TPR: variants seen among roughly 807,000 people sequenced by gnomAD.
The protein encoded by TPR is translocated promoter region, nuclear basket protein.
In TPR, 51 loss-of-function variants were observed where a neutral mutation model predicts 316.1. The observed-to-expected ratio is 0.16, with a 90% CI of 0.13 to 0.20. The LOEUF (loss-of-function observed/expected upper bound fraction) is 0.20, where lower values mean the gene tolerates loss of function less well. Among genes scored for constraint, TPR ranks in the 10% least tolerant of loss-of-function variants. The pLI, the probability that TPR is intolerant of heterozygous loss-of-function variation, is 1.00. For missense variants in TPR, 2,272 were observed against 2,754.8 expected (o/e 0.82, Z 3.92); for synonymous variants, 981 against 914.7 (o/e 1.07, Z -1.31).
In TPR at chr1:186,356,312, G is replaced by A; in HGVS notation, c.1862C>T (p.Thr621Ile). The A allele has an allele frequency of 6.2e-7, 1 of 1,608,570 alleles. No homozygotes were observed. Residue 621 changes from threonine (T) to isoleucine (I), a missense_variant, in exon 15 of 51, where the codon ACA becomes ATA. Transcript: ENST00000367478. ...ATGTAATGGAATGGCAACTCCTGTT[G>A]TTTGTGACAATAAAATACGGTACAT... The part of the protein sequence containing the change: ...RDMYRILLSQ[T>I]TGVAIPLHAS...
chr1:186,335,395 CCT>C lies in TPR; in HGVS notation c.4852_4853del (p.Arg1618GlyfsTer8). Reference protein sequence around the residue: ...GRISRLERELREHQERHLEQR... With the variant: ...GRISRLERELXEHQERHLEQR... ...GCTCAAGGTGTCTCTCTTGATGCTC[CCT>C]GAGTTCTCTTTCCAAGCGACTAATT... On this transcript the variant is annotated frameshift_variant, in exon 34 of 51. Coordinates refer to ENST00000367478, the MANE Select transcript of TPR (RefSeq NM_003292.3). LOFTEE classifies it high-confidence loss of function. 1 of 1,613,732 alleles carries C rather than the reference CCT, an allele frequency of 6.2e-7. No homozygotes were observed. Among genetic ancestry groups the C allele is most frequent in the Non-Finnish European group, 8.5e-7 (1 of 1,179,758 alleles).
chr1:186,359,851 C>A lies in TPR; in HGVS notation c.1337G>T (p.Arg446Leu), dbSNP rs200390468. ...ILKRQREEYERAQKAVASLSV... is the reference protein window; with the variant it reads ...ILKRQREEYELAQKAVASLSV... ...TAAACTTGCTACAGCTTTCTGTGCA[C>A]GTTCATATTCCTCACGCTGGCGTTT... Residue 446 changes from arginine (R) to leucine (L), a missense_variant, in exon 12 of 51, where the codon CGT (arginine) becomes CTT (leucine). Coordinates refer to ENST00000367478, the MANE Select transcript of TPR (RefSeq NM_003292.3). The A allele has an allele frequency of 4.4e-6, 7 of 1,599,166 alleles. No individual in the cohort carries two copies. The highest frequency in any genetic ancestry group is 2.2e-5 in the East Asian group (1 of 44,564).
intron 27 of TPR, chr1:186,342,767 T>C (rs1349414347): frequency 6.6e-6 from 1 of 152,170 alleles, no homozygotes; most frequent in Non-Finnish European, 1.5e-5. Context: ...CTTTGGGTGG[T>C]AGTGTGGGGT....
chr1:186,336,372 G>GCA, intron 33 of TPR, 124 bp downstream of exon 33: 1 of 829,542 alleles, frequency 1.2e-6, no homozygotes, highest in South Asian at 1.7e-5. Flanking sequence ...AATATTTAAA[G>GCA]CACACATACA....
In TPR at chr1:186,343,484, A is replaced by G. The variant is rs200976544; in HGVS notation, c.3603-11T>C. On this transcript the variant is annotated splice_polypyrimidine_tract_variant and intron_variant, in intron 26 of 50. Coordinates refer to ENST00000367478, the MANE Select transcript of TPR (RefSeq NM_003292.3). ...TCTCGTCGTATAAATCTACAAAAAT[A>G]CAGATATTAAAATTTTATGTGAATT... 848 of 1,600,304 alleles carry G rather than the reference A, an allele frequency of 5.3e-4. 1 individual carries two copies. Among genetic ancestry groups the G allele is most frequent in the Non-Finnish European group, 6.6e-4 (776 of 1,176,162 alleles).
At position 186,340,990 on chromosome 1, in the gene TPR, G is replaced by A. The variant is rs745740000; in HGVS notation, c.4020+38C>T. Reference sequence around the variant, plus strand: ...AAGTTTCCCCTATTATTAAAAACACGTGTTTCCATGTTTTGGAAGAGTTTT... The same window carrying A: ...AAGTTTCCCCTATTATTAAAAACACATGTTTCCATGTTTTGGAAGAGTTTT... On this transcript the variant is annotated intron_variant, in intron 29 of 50. Coordinates refer to ENST00000367478, the MANE Select transcript of TPR (RefSeq NM_003292.3). 31 of 1,589,328 alleles carry A rather than the reference G, an allele frequency of 2.0e-5. No homozygotes were observed. In the East Asian group the frequency reaches 3.6e-4, roughly 18 times the overall value.
At chr1:186,358,484 CAA>C in intron 13 of TPR, 57 bp downstream of exon 13, 2 of 1,339,098 alleles carry the variant, frequency 1.5e-6, no homozygotes, top group Non-Finnish European at 2.1e-6. Context: ...CAAACAGATT[CAA>C]AGATTACTGG....
At chr1:186,351,827 T>A in intron 19 of TPR, 149 bp downstream of exon 19, 1 of 845,636 alleles carries the variant, frequency 1.2e-6, no homozygotes, top group Admixed American at 3.5e-5. Flanking sequence ...TTAAAATATT[T>A]AAATGTCTTA....
Position 186,334,375 on chromosome 1 carries a change from G to C in TPR, c.5132C>G (p.Thr1711Ser). 3 of 1,613,548 alleles carry C rather than the reference G, an allele frequency of 1.9e-6. No individual in the cohort carries two copies. The highest frequency in any genetic ancestry group is 2.5e-6 in the Non-Finnish European group (3 of 1,179,688). ...VTPATVTNPTTTPTATVMPTT... is the reference protein window; with the variant it reads ...VTPATVTNPTSTPTATVMPTT... ...GGGCATCACTGTAGCTGTTGGGGTA[G>C]TAGTGGGATTTGTAACAGTTGCAGG... The change falls in exon 36 of 51, where the codon ACT becomes AGT. Residue 1711 changes from threonine to serine, a missense_variant. Physicochemically the swap from Thr to Ser is moderately conservative, Grantham distance 58. Coordinates refer to ENST00000367478, the MANE Select transcript of TPR (RefSeq NM_003292.3).
intron 20 of TPR, 117 bp from the exon 21 acceptor site, chr1:186,350,505 C>T (rs527580244): frequency 4.7e-5 from 35 of 746,380 alleles, no homozygotes; most frequent in African/African-American, 4.2e-4. Flanking sequence ...ACAGATTTAC[C>T]GTCACACCTG....
At position 186,311,956 on chromosome 1, in the gene TPR, ATAAC is replaced by A. The variant is rs1393655794; in HGVS notation, c.*2011_*2014del. ...GTCACTTTCAATTGAAATTAAATAT[ATAAC>A]TATGTAATTTGCTGCATCTATTCAT... On this transcript the variant is annotated 3_prime_UTR_variant, in exon 51 of 51. Coordinates refer to ENST00000367478, the MANE Select transcript of TPR (RefSeq NM_003292.3). 1 of 558,696 alleles carries A rather than the reference ATAAC, an allele frequency of 1.8e-6. No individual in the cohort carries two copies. 34.6% of individuals were successfully genotyped at this position (558,696 alleles called of 1,614,324 possible).
At chr1:186,331,057 C>T (rs1658148633) in intron 39 of TPR, among the ~76,000 whole-genome samples, 1 of 151,970 alleles carries the variant, frequency 6.6e-6, no homozygotes, top group African/African-American at 2.4e-5. Flanking sequence ...CTAGGGGAAC[C>T]TCAATGAGAG....
chr1:186,338,291 T>A (rs760603214), intron 30 of TPR, 48 bp from the exon 31 acceptor site: 1 of 1,507,678 alleles, frequency 6.6e-7, no homozygotes, highest in Non-Finnish European at 9.0e-7. Context: ...TGAGACATTT[T>A]TCAAAGTTTG....
In TPR at chr1:186,337,079, T is replaced by C; in HGVS notation, c.4440A>G (p.Lys1480=). 1.2e-6 allele frequency: 2 copies of C among 1,613,950 alleles called. No individual in the cohort carries two copies. Among genetic ancestry groups the C allele is most frequent in the South Asian group, 1.1e-5 (1 of 91,076 alleles). Residue 1480 remains lysine, a synonymous_variant, in exon 32 of 51, where the codon AAA becomes AAG. Transcript: ENST00000367478. ...TTGTTTCAGCTTGGTTGAGCGTTTC[T>C]TTGAGTTCCTGCATTTCCTGGACTG... The part of the protein sequence containing the change: ...HVSVQEMQEL[K]ETLNQAETKS...
Position 186,374,140 on chromosome 1 carries a change from C to T in TPR, c.152-677G>A, listed in dbSNP as rs543441610. Among the ~76,000 whole-genome samples the T allele has an allele frequency of 2.0e-5, 3 of 152,212 alleles. No individual in the cohort carries two copies. In the South Asian group the frequency reaches 6.2e-4, roughly 32 times the overall value. ...GTCAACTTAGCAAGAACAGTATGAA[C>T]CTCCCCAAACAAATGGTAAACCAAA... On this transcript the variant is annotated intron_variant, in intron 1 of 50. Coordinates refer to ENST00000367478, the MANE Select transcript of TPR (RefSeq NM_003292.3).
At position 186,360,872 on chromosome 1, in the gene TPR, A is replaced by T; in HGVS notation, c.992T>A (p.Val331Glu). 2 of 1,612,752 alleles carry T rather than the reference A, an allele frequency of 1.2e-6. No individual in the cohort carries two copies. The highest frequency in any genetic ancestry group is 1.7e-6 in the Non-Finnish European group (2 of 1,179,196). ...TTCCATTTGATCTTTGGATTGCTCCACCTCTAGAAGATGATCTTGTATTGC... is the reference window on the plus strand; with the variant it reads ...TTCCATTTGATCTTTGGATTGCTCCTCCTCTAGAAGATGATCTTGTATTGC... ...NKAIQDHLLE[V>E]EQSKDQMEKE... Residue 331 changes from valine (V) to glutamate (E), a missense_variant, in exon 10 of 51, where the codon GTG (valine) becomes GAG (glutamate). Val to Glu is a moderately radical substitution (Grantham distance 121). This residue lies in a region of TPR where 549 missense variants were observed against 598.6 expected (regional missense o/e 0.92). Coordinates refer to ENST00000367478, the MANE Select transcript of TPR (RefSeq NM_003292.3).
intron 4 of TPR, among the ~76,000 whole-genome samples, chr1:186,365,659 C>G (rs996792558): frequency 6.6e-6 from 1 of 152,188 alleles, no homozygotes; most frequent in Admixed American, 6.5e-5. Flanking sequence ...AAGAGGCCAT[C>G]CCTTCTTTTT....
Position 186,350,427 on chromosome 1 carries a change from C to T in TPR, c.2611-39G>A, listed in dbSNP as rs763419488. Reference sequence around the variant, plus strand: ...TAATCTTATAACATTCTTTAGGTTCCTAAGTAACTAAAGGTTCAAACTATC... The same window carrying T: ...TAATCTTATAACATTCTTTAGGTTCTTAAGTAACTAAAGGTTCAAACTATC... On this transcript the variant is annotated intron_variant, in intron 20 of 50. Transcript: ENST00000367478. 4 of 1,404,942 alleles carry T rather than the reference C, an allele frequency of 2.8e-6. No individual in the cohort carries two copies. In the East Asian group the frequency reaches 9.9e-5, roughly 35 times the overall value. 87.0% of individuals were successfully genotyped at this position (1,404,942 alleles called of 1,614,324 possible).
At position 186,312,535 on chromosome 1, in the gene TPR, C is replaced by A; in HGVS notation, c.*1436G>T. 1 of 820,202 alleles carries A rather than the reference C, an allele frequency of 1.2e-6. No homozygotes were observed. The highest frequency in any genetic ancestry group is 2.8e-5 in the Admixed American group (1 of 35,294). 50.8% of individuals were successfully genotyped at this position (820,202 alleles called of 1,614,324 possible). A position where few individuals can be genotyped will look rare whatever the true frequency, so the allele number is the denominator to read the frequency against. Reference sequence around the variant, plus strand: ...ACTTGCCTTAGTGAATAACCAAAGACCAATACTTTCTTTTTCCTTGTGGGT... The same window carrying A: ...ACTTGCCTTAGTGAATAACCAAAGAACAATACTTTCTTTTTCCTTGTGGGT... On this transcript the variant is annotated 3_prime_UTR_variant, in exon 51 of 51. Transcript: ENST00000367478.
Sources: gnomAD v4.1 joint callset for allele counts (sites outside exome capture counted in the v4.1 genomes callset) on GRCh38, gnomAD v4.1.1 for gene constraint, gnomAD v4.1.1 regional missense constraint, MANE v1.5 for transcripts, NCBI Gene and HGNC (gene_info 2026-07-23, HGNC 2026-07-21) for gene names.